PDE7B: variants seen among roughly 807,000 people sequenced by gnomAD.
The protein encoded by PDE7B is 3',5'-cyclic-AMP phosphodiesterase 7B.
In PDE7B, 29 loss-of-function variants were observed where a neutral mutation model predicts 56.2. That is an observed-to-expected ratio of 0.52 (90% CI 0.38 to 0.70). The LOEUF (loss-of-function observed/expected upper bound fraction) is 0.70. Among genes scored for constraint, PDE7B ranks in the 30% least tolerant of loss-of-function variants. The pLI, the probability that PDE7B is intolerant of heterozygous loss-of-function variation, is 0.00. For synonymous variants in PDE7B, 197 were observed against 196.9 expected, an observed-to-expected ratio of 1.00 and a Z score of 0.00; for missense variants, 490 against 565.0, an observed-to-expected ratio of 0.87 and a Z score of 1.35.
At chr6:136,062,178 C>A (rs1354117843) in intron 2 of PDE7B, among the ~76,000 whole-genome samples, 2 of 152,140 alleles carry the variant, frequency 1.3e-5, no homozygotes, top group South Asian at 2.1e-4. Flanking sequence ...AAGGTAAATA[C>A]AGTACTATTA....
chr6:136,194,007 T>C lies in PDE7B; in HGVS notation c.*2167T>C, dbSNP rs976277847. ...TTTTCTGTAAAACTGTGAACTGATA[T>C]ATTTTCCTTTATCACTTTAGTATTC... On this transcript the variant is annotated 3_prime_UTR_variant, in exon 13 of 13. Coordinates refer to ENST00000308191, the MANE Select transcript of PDE7B (RefSeq NM_018945.4). 1 of 152,150 alleles carries C rather than the reference T, an allele frequency of 6.6e-6. No individual in the cohort carries two copies. Among genetic ancestry groups the C allele is most frequent in the Admixed American group, 6.5e-5 (1 of 15,280 alleles). The allele number at this position is 152,150 out of a possible 1,614,324, so 9.4% of individuals were successfully genotyped here. A position where few individuals can be genotyped will look rare whatever the true frequency, so the allele number is the denominator to read the frequency against.
chr6:136,004,534 T>C (rs1382531690), intron 2 of PDE7B, among the ~76,000 whole-genome samples: 1 of 151,926 alleles, frequency 6.6e-6, no homozygotes, highest in African/African-American at 2.4e-5. Flanking sequence ...TGTACAAAAA[T>C]CACAAGCATT....
At chr6:136,108,125 C>CAA (rs60727586) in intron 2 of PDE7B, among the ~76,000 whole-genome samples, 4,359 of 108,044 alleles carry the variant, frequency 0.04, 157 homozygotes, top group African/African-American at 0.059. Flanking sequence ...GACTCCATGT[C>CAA]AAAAAAAAAA....
intron 2 of PDE7B, among the ~76,000 whole-genome samples, chr6:136,060,486 G>T (rs991027153): frequency 1.3e-5 from 2 of 152,110 alleles, no homozygotes; most frequent in Non-Finnish European, 2.9e-5. Context: ...TCAGAGAAAA[G>T]GTGTAAATTA....
intron 2 of PDE7B, among the ~76,000 whole-genome samples, chr6:135,953,791 A>C (rs1583792466): frequency 6.6e-6 from 1 of 152,188 alleles, no homozygotes; most frequent in African/African-American, 2.4e-5. Flanking sequence ...ATTATTGTAA[A>C]GATTATTTTG....
At chr6:135,957,898 T>G (rs1774826142) in intron 2 of PDE7B, among the ~76,000 whole-genome samples, 1 of 152,060 alleles carries the variant, frequency 6.6e-6, no homozygotes, top group Non-Finnish European at 1.5e-5. Context: ...GGAGTACAAA[T>G]GTCCCCTGAG....
At chr6:136,022,663 C>T (rs1410661069) in intron 2 of PDE7B, among the ~76,000 whole-genome samples, 1 of 152,192 alleles carries the variant, frequency 6.6e-6, no homozygotes, top group Non-Finnish European at 1.5e-5. Context: ...TTCCCACTGT[C>T]CTGACAGTTT....
chr6:135,899,409 T>G (rs1170717356), intron 1 of PDE7B, among the ~76,000 whole-genome samples: 1 of 150,826 alleles, frequency 6.6e-6, no homozygotes, highest in East Asian at 1.9e-4. Context: ...TGTCTATATA[T>G]AGATTATTAT....
rs1439184173 is a variant in PDE7B at position 135,934,867 on chromosome 6, AT to A, written c.22-12596del. ...TTTATTTAAATAAATATATATAAAA[AT>A]ATATATAAATATTTATTTAAATATA... is the stretch of plus-strand genomic sequence containing the variant. On this transcript the variant is annotated intron_variant, in intron 1 of 12. Coordinates refer to ENST00000308191, the MANE Select transcript of PDE7B (RefSeq NM_018945.4). Among the ~76,000 whole-genome samples, 36 of 110,230 alleles carry A rather than the reference AT, an allele frequency of 3.3e-4. 1 individual carries two copies. Among genetic ancestry groups the A allele is most frequent in the African/African-American group, 1.3e-3 (35 of 26,248 alleles). The allele number at this position is 110,230 out of a possible 152,430, so 72.3% of individuals were successfully genotyped here. A position where few individuals can be genotyped will look rare whatever the true frequency, so the allele number is the denominator to read the frequency against.
At chr6:136,015,518 A>G (rs1297826112) in intron 2 of PDE7B, among the ~76,000 whole-genome samples, 4 of 152,232 alleles carry the variant, frequency 2.6e-5, no homozygotes, top group African/African-American at 7.2e-5. Flanking sequence ...ATTTTTCTCA[A>G]GAGGCTTTTC....
chr6:136,160,885 T>C (rs995175144), intron 8 of PDE7B, among the ~76,000 whole-genome samples: 2 of 152,082 alleles, frequency 1.3e-5, no homozygotes, highest in African/African-American at 4.8e-5. Flanking sequence ...TGCAGGAGTA[T>C]AGAAGATGAA....
chr6:135,938,047 A>T (rs1774451569), intron 1 of PDE7B, among the ~76,000 whole-genome samples: 1 of 152,224 alleles, frequency 6.6e-6, no homozygotes, highest in Non-Finnish European at 1.5e-5. Context: ...CCTGTACTCT[A>T]CAATGAGTTT....
chr6:136,050,082 G>A (rs1159982145), intron 2 of PDE7B, among the ~76,000 whole-genome samples: 1 of 152,088 alleles, frequency 6.6e-6, no homozygotes, highest in African/African-American at 2.4e-5. Context: ...CCACGCTGCT[G>A]GTCATGGTCT....
chr6:136,111,134 C>T (rs1275485823), intron 3 of PDE7B: 1 of 152,078 alleles, frequency 6.6e-6, no homozygotes, highest in Non-Finnish European at 1.5e-5. Flanking sequence ...TATTAATTTT[C>T]CTTTAGCATA....
At chr6:135,967,578 C>T (rs937438415) in intron 2 of PDE7B, among the ~76,000 whole-genome samples, 2 of 152,176 alleles carry the variant, frequency 1.3e-5, no homozygotes, top group Non-Finnish European at 2.9e-5. Flanking sequence ...GCACAACAAC[C>T]TATCTGCTCT....
chr6:136,031,688 G>T (rs897642412), intron 2 of PDE7B, among the ~76,000 whole-genome samples: 1 of 142,346 alleles, frequency 7.0e-6, no homozygotes, highest in Non-Finnish European at 1.5e-5. Flanking sequence ...GCAGTGAGCC[G>T]AGATCCCGCC....
intron 2 of PDE7B, among the ~76,000 whole-genome samples, chr6:135,949,803 A>G (rs575041594): frequency 6.6e-6 from 1 of 152,144 alleles, no homozygotes. Flanking sequence ...CAGGACACAT[A>G]GGAATAACAA....
intron 2 of PDE7B, among the ~76,000 whole-genome samples, chr6:136,066,401 G>A (rs954360905): frequency 3.9e-5 from 6 of 152,174 alleles, no homozygotes; most frequent in African/African-American, 7.2e-5. Context: ...GAAATGAAAC[G>A]TTATTGATGC....
intron 8 of PDE7B, among the ~76,000 whole-genome samples, chr6:136,160,673 G>A (rs1778689417): frequency 6.6e-6 from 1 of 152,016 alleles, no homozygotes; most frequent in Non-Finnish European, 1.5e-5. Flanking sequence ...ACCCTACCAT[G>A]CCTCAGGATT....
Sources: gnomAD v4.1 joint callset for allele counts (sites outside exome capture counted in the v4.1 genomes callset) on GRCh38, gnomAD v4.1.1 for gene constraint, MANE v1.5 for transcripts, NCBI Gene and HGNC (gene_info 2026-07-23, HGNC 2026-07-21) for gene names.